The following DPYD variants were observed in gnomAD, a reference collection of about 807,000 sequenced individuals.
DPYD encodes the protein dihydropyrimidine dehydrogenase [NADP(+)].
In DPYD, 109 loss-of-function variants were observed where a neutral mutation model predicts 116.2. The observed-to-expected ratio is 0.94, with a 90% CI of 0.80 to 1.10. DPYD has a LOEUF of 1.10. DPYD is among the 50% of genes least tolerant of loss of function. DPYD has a pLI of 0.00. For missense variants in DPYD, 1,302 were observed against 1,254.5 expected, an observed-to-expected ratio of 1.04 and a Z score of -0.57; for synonymous variants, 440 against 432.0, an observed-to-expected ratio of 1.02 and a Z score of -0.23.
chr1:97,129,917 G>C (rs1653145263), intron 20 of DPYD, among the ~76,000 whole-genome samples: 1 of 152,114 alleles, frequency 6.6e-6, no homozygotes, highest in Admixed American at 6.6e-5. Flanking sequence ...TCTTTACACA[G>C]AATGTTGGTT....
intron 20 of DPYD, among the ~76,000 whole-genome samples, chr1:97,152,076 TG>T (rs1411998576): frequency 6.6e-6 from 1 of 152,198 alleles, no homozygotes; most frequent in African/African-American, 2.4e-5. Context: ...TTAATCAACA[TG>T]GCTTGAAGTT....
At chr1:97,554,423 T>C (rs531929185) in intron 11 of DPYD, among the ~76,000 whole-genome samples, 422 of 152,140 alleles carry the variant, frequency 2.8e-3, no homozygotes, top group South Asian at 7.5e-3. Flanking sequence ...TATAAAACAA[T>C]GGGGGGAATA....
At chr1:97,396,909 C>G (rs1424709279) in intron 14 of DPYD, among the ~76,000 whole-genome samples, 1 of 150,248 alleles carries the variant, frequency 6.7e-6, no homozygotes, top group East Asian at 2.0e-4. Flanking sequence ...TCTTAATATT[C>G]AAGTGTGCTA....
chr1:97,221,005 C>T (rs1215423459), intron 19 of DPYD, among the ~76,000 whole-genome samples: 1 of 152,146 alleles, frequency 6.6e-6, no homozygotes, highest in African/African-American at 2.4e-5. Flanking sequence ...CCAGAGTAGC[C>T]AGTCTTCTAG....
chr1:97,916,561 A>G (rs1207681260), intron 1 of DPYD, among the ~76,000 whole-genome samples: 1 of 152,210 alleles, frequency 6.6e-6, no homozygotes, highest in Non-Finnish European at 1.5e-5. Flanking sequence ...AAAGGAGGCT[A>G]CCAAATTCCA....
intron 13 of DPYD, among the ~76,000 whole-genome samples, chr1:97,459,608 T>A (rs1676906342): frequency 6.6e-6 from 1 of 152,204 alleles, no homozygotes; most frequent in South Asian, 2.1e-4. Flanking sequence ...CAGAAGAGAT[T>A]AGAATATTTT....
intron 2 of DPYD, among the ~76,000 whole-genome samples, chr1:97,846,536 T>A (rs1670312370): frequency 6.6e-6 from 1 of 152,180 alleles, no homozygotes; most frequent in African/African-American, 2.4e-5. Context: ...TACATCCAGG[T>A]AGATCGTGTC....
At chr1:97,081,967 A>G (rs1649187721) in intron 22 of DPYD, among the ~76,000 whole-genome samples, 1 of 152,206 alleles carries the variant, frequency 6.6e-6, no homozygotes, top group African/African-American at 2.4e-5. Context: ...TTTCAGAGTA[A>G]TGGCCATAAA....
chr1:97,897,289 G>A (rs1422323665), intron 1 of DPYD, among the ~76,000 whole-genome samples: 1 of 151,724 alleles, frequency 6.6e-6, no homozygotes, highest in Non-Finnish European at 1.5e-5. Context: ...TCTGTATCCA[G>A]TACACCTGTT....
chr1:97,711,759 ATTATTT>A (rs1323041682), intron 5 of DPYD, among the ~76,000 whole-genome samples: 1 of 151,902 alleles, frequency 6.6e-6, no homozygotes, highest in Non-Finnish European at 1.5e-5. Flanking sequence ...GTTTTTTATT[ATTATTT>A]TTATCTTCCA....
intron 21 of DPYD, among the ~76,000 whole-genome samples, chr1:97,085,475 C>T (rs1400828088): frequency 6.6e-6 from 1 of 152,146 alleles, no homozygotes; most frequent in Non-Finnish European, 1.5e-5. Flanking sequence ...ATGGTGTTAA[C>T]AATTCATCCC....
intron 20 of DPYD, among the ~76,000 whole-genome samples, chr1:97,162,948 A>G (rs1656038059): frequency 6.6e-6 from 1 of 151,866 alleles, no homozygotes; most frequent in Non-Finnish European, 1.5e-5. Context: ...CTGAAACTGG[A>G]TCTCTTCCTT....
intron 18 of DPYD, among the ~76,000 whole-genome samples, chr1:97,287,200 C>G (rs552177143): frequency 1.3e-5 from 2 of 152,184 alleles, no homozygotes; most frequent in Non-Finnish European, 2.9e-5. Flanking sequence ...ACTCCAGACC[C>G]TGTTTGCCTG....
At chr1:97,734,652 A>G (rs1663823185) in intron 4 of DPYD, among the ~76,000 whole-genome samples, 1 of 152,200 alleles carries the variant, frequency 6.6e-6, no homozygotes, top group Admixed American at 6.5e-5. Context: ...TTAGAAATTA[A>G]AATTATAGGA....
At chr1:97,273,439 C>T (rs1664728727) in intron 18 of DPYD, among the ~76,000 whole-genome samples, 1 of 152,120 alleles carries the variant, frequency 6.6e-6, no homozygotes, top group Non-Finnish European at 1.5e-5. Flanking sequence ...TCACAAGATA[C>T]CACTTTTTAA....
At chr1:97,852,023 CAAA>C (rs555567071) in intron 2 of DPYD, among the ~76,000 whole-genome samples, 2 of 74,286 alleles carry the variant, frequency 2.7e-5, no homozygotes, top group Non-Finnish European at 5.8e-5. Flanking sequence ...GTGCAATTTA[CAAA>C]AAAAAAAAAA....
intron 8 of DPYD, among the ~76,000 whole-genome samples, chr1:97,629,682 C>CAA (rs200410351): frequency 2.7e-5 from 4 of 149,036 alleles, no homozygotes; most frequent in Non-Finnish European, 4.5e-5. Flanking sequence ...TCTCCAAAAA[C>CAA]AAAAAAAAAC....
At chr1:97,694,797 A>G (rs1179008361) in intron 6 of DPYD, among the ~76,000 whole-genome samples, 1 of 152,236 alleles carries the variant, frequency 6.6e-6, no homozygotes, top group Non-Finnish European at 1.5e-5. Context: ...TTCATGAGCT[A>G]GCAATTCTAA....
Position 97,358,196 on chromosome 1 carries a change from T to A in DPYD, c.2058+15365A>T, listed in dbSNP as rs10875073. ...TTCCAAGCCCAAGGAGCCTTGCTTA[T>A]GGCTAGCGCAGCAGTCTGAGATCAA... On this transcript the variant is annotated intron_variant, in intron 16 of 22. Coordinates refer to ENST00000370192, the MANE Select transcript of DPYD (RefSeq NM_000110.4). Among the ~76,000 whole-genome samples the A allele has an allele frequency of 2.6e-5, 4 of 152,100 alleles. No individual in the cohort carries two copies. In the South Asian group the frequency reaches 8.3e-4, roughly 32 times the overall value.
Sources: allele counts gnomAD v4.1 joint callset (sites outside exome capture counted in the v4.1 genomes callset), GRCh38; gene constraint gnomAD v4.1.1; transcripts MANE v1.5; gene names NCBI Gene and HGNC (gene_info 2026-07-23, HGNC 2026-07-21).